The following ARG1 variants were observed in gnomAD, a reference collection of about 807,000 sequenced individuals.
ARG1 encodes the protein arginase 1.
A neutral mutation model predicts 33.0 loss-of-function variants in ARG1; 20 were observed. The observed-to-expected ratio is 0.61, with a 90% CI of 0.43 to 0.88. The LOEUF (loss-of-function observed/expected upper bound fraction) is 0.88, where lower values mean the gene tolerates loss of function less well. Ranked by LOEUF, ARG1 falls within the 40% of genes least tolerant of loss-of-function variation. ARG1 has a pLI of 0.00. For synonymous variants in ARG1, 146 were observed against 140.6 expected (o/e 1.04, Z -0.27); for missense variants, 374 against 384.7 (o/e 0.97, Z 0.23).
rs2114519480 is a variant in ARG1 at position 131,576,746 on chromosome 6, A to G, written c.130+11A>G. On this transcript the variant is annotated intron_variant, in intron 2 of 7. Transcript: ENST00000368087. ...AACTTAAAGAACAAGGTAATTTTTA[A>G]GTTGAAAAATGATCAGCCTGATTTC... The G allele has an allele frequency of 6.2e-7, 1 of 1,610,590 alleles. No homozygotes were observed. The highest frequency in any genetic ancestry group is 8.5e-7 in the Non-Finnish European group (1 of 1,176,886).
intron 1 of ARG1, among the ~76,000 whole-genome samples, chr6:131,576,323 C>G (rs1773610844): frequency 6.6e-6 from 1 of 152,212 alleles, no homozygotes; most frequent in Non-Finnish European, 1.5e-5. Flanking sequence ...TTTGCACAAA[C>G]TACTTGTTCA....
At chr6:131,581,919 A>G (rs1280696344) in intron 4 of ARG1, among the ~76,000 whole-genome samples, 1 of 152,232 alleles carries the variant, frequency 6.6e-6, no homozygotes, top group African/African-American at 2.4e-5. Context: ...GCTCCCTAGA[A>G]ACTCCTTTTC....
intron 2 of ARG1, among the ~76,000 whole-genome samples, chr6:131,578,479 T>C (rs1488241844): frequency 2.0e-5 from 3 of 152,214 alleles, no homozygotes; most frequent in African/African-American, 7.2e-5. Flanking sequence ...TGGGGTTACC[T>C]GCAATTTTTC....
intron 3 of ARG1, 192 bp downstream of exon 3, chr6:131,579,477 AAT>A: frequency 1.8e-6 from 1 of 554,414 alleles, no homozygotes; most frequent in Non-Finnish European, 3.1e-6. Flanking sequence ...GAAGTCTTAC[AAT>A]ATCTGTATTT....
chr6:131,579,829 CGTGTGTGTGT>C (rs367611464), intron 3 of ARG1, among the ~76,000 whole-genome samples: 3 of 149,426 alleles, frequency 2.0e-5, no homozygotes, highest in Non-Finnish European at 1.5e-5. Context: ...CTTTGTTTAA[CGTGTGTGTGT>C]GTGTGTATGT....
At position 131,577,134 on chromosome 6, in the gene ARG1, G is replaced by A. The variant is rs1050433219; in HGVS notation, c.130+399G>A. ...CAGTAATAATGATAATAACAACAGC[G>A]CCTAGTGTGGGCGCAGTGTGTATAT... On this transcript the variant is annotated intron_variant, in intron 2 of 7. Coordinates refer to ENST00000368087, the MANE Select transcript of ARG1 (RefSeq NM_000045.4). Among the ~76,000 whole-genome samples, 34 of 152,162 alleles carry A rather than the reference G, an allele frequency of 2.2e-4. 1 individual carries two copies. The highest frequency in any genetic ancestry group is 1.9e-4 in the East Asian group (1 of 5,196).
chr6:131,582,922 C>A, intron 5 of ARG1, 138 bp from the exon 6 acceptor site: 1 of 776,378 alleles, frequency 1.3e-6, no homozygotes. Context: ...AAAATAAATA[C>A]AAATAAAACT....
chr6:131,574,071 T>G (rs1397371535), intron 1 of ARG1: 1 of 604,810 alleles, frequency 1.7e-6, no homozygotes, highest in Admixed American at 2.6e-5. Context: ...ACACTTTTTT[T>G]TCTGCCTGGG....
chr6:131,573,981 G>C, intron 1 of ARG1: 1 of 426,518 alleles, frequency 2.3e-6, no homozygotes, highest in South Asian at 3.0e-5. Context: ...AACTCTAAAA[G>C]GATTTTAATG....
chr6:131,575,153 G>A (rs988871133), intron 1 of ARG1, among the ~76,000 whole-genome samples: 1 of 152,176 alleles, frequency 6.6e-6, no homozygotes. Context: ...TTTAATGGCT[G>A]TGTTATAGCA....
At chr6:131,578,406 C>T (rs1006662790) in intron 2 of ARG1, among the ~76,000 whole-genome samples, 1 of 152,106 alleles carries the variant, frequency 6.6e-6, no homozygotes, top group African/African-American at 2.4e-5. Flanking sequence ...TTTTACATGA[C>T]ACTCTCTACT....
Position 131,583,064 on chromosome 6 carries a change from A to C in ARG1, c.565A>C (p.Ile189Leu). The C allele has an allele frequency of 1.2e-6, 2 of 1,611,026 alleles. No homozygotes were observed. Reference sequence around the variant, plus strand: ...ATCTTAATTTCTCTTTTATAGCTACATTTTGAAAACTCTAGGCATTAAATA... The same window carrying C: ...ATCTTAATTTCTCTTTTATAGCTACCTTTTGAAAACTCTAGGCATTAAATA... ...LRDVDPGEHY[I>L]LKTLGIKYFS... Residue 189 changes from isoleucine (I) to leucine (L), a missense_variant, in exon 6 of 8, where the codon ATT (isoleucine) becomes CTT (leucine). Transcript: ENST00000368087.
In ARG1 at chr6:131,581,300, C is replaced by T. The variant is rs1773911699; in HGVS notation, c.387C>T (p.Ile129=). 2 of 1,613,794 alleles carry T rather than the reference C, an allele frequency of 1.2e-6. No individual in the cohort carries two copies. The highest frequency in any genetic ancestry group is 2.7e-5 in the African/African-American group (2 of 74,914). ...TCTGGGTGGATGCTCACACTGATAT[C>T]AACACTCCACTGACAACCACAAGTG... The part of the protein sequence containing the change: ...GVIWVDAHTD[I]NTPLTTTSGN... The change falls in exon 4 of 8, where the codon ATC becomes ATT. Residue 129 remains isoleucine, a synonymous_variant. Transcript: ENST00000368087.
chr6:131,582,598 A>C, intron 4 of ARG1, 23 bp from the exon 5 acceptor site: 2 of 1,584,490 alleles, frequency 1.3e-6, no homozygotes, highest in Non-Finnish European at 1.7e-6. Flanking sequence ...ATACATAACC[A>C]AGTGAAAACA....
intron 1 of ARG1, among the ~76,000 whole-genome samples, chr6:131,575,673 C>T (rs1773579319): frequency 6.6e-6 from 1 of 152,192 alleles, no homozygotes; most frequent in South Asian, 2.1e-4. Context: ...CATCTGACAA[C>T]ATGTAATAAT....
intron 2 of ARG1, among the ~76,000 whole-genome samples, 200 bp from the exon 3 acceptor site, chr6:131,578,911 G>A (rs1247821216): frequency 6.6e-6 from 1 of 152,042 alleles, no homozygotes; most frequent in Non-Finnish European, 1.5e-5. Context: ...GTATACAGCC[G>A]CACCAGTGTG....
chr6:131,573,933 A>C (rs1227349573), intron 1 of ARG1: 1 of 329,174 alleles, frequency 3.0e-6, no homozygotes, highest in African/African-American at 2.1e-5. Flanking sequence ...GGGGAAAAAA[A>C]GAACAAAAAA....
At position 131,583,552 on chromosome 6, in the gene ARG1, C is replaced by A. The variant is rs572074133; in HGVS notation, c.802+61C>A. 46 of 1,470,408 alleles carry A rather than the reference C, an allele frequency of 3.1e-5. No homozygotes were observed. In the African/African-American group the frequency reaches 7.9e-4, roughly 25 times the overall value. 91.1% of individuals were successfully genotyped at this position (1,470,408 alleles called of 1,614,324 possible). ...TACACTTGACTAATATATATTTATACCTCCTTGACCTGAAACCAAGTCCCA... is the reference window on the plus strand; with the variant it reads ...TACACTTGACTAATATATATTTATAACTCCTTGACCTGAAACCAAGTCCCA... On this transcript the variant is annotated intron_variant, in intron 7 of 7. Coordinates refer to ENST00000368087, the MANE Select transcript of ARG1 (RefSeq NM_000045.4).
chr6:131,576,692 A>T lies in ARG1; in HGVS notation c.87A>T (p.Thr29=). The change falls in exon 2 of 8, where the codon ACA becomes ACT. Residue 29 remains threonine (T), a synonymous_variant. Transcript: ENST00000368087. ...QPRGGVEEGP[T]VLRKAGLLEK... ...GAGGAGGGGTGGAAGAAGGCCCTAC[A>T]GTATTGAGAAAGGCTGGTCTGCTTG... The T allele has an allele frequency of 6.2e-7, 1 of 1,614,144 alleles. No homozygotes were observed. Among genetic ancestry groups the T allele is most frequent in the Non-Finnish European group, 8.5e-7 (1 of 1,179,982 alleles).
Sources: allele counts gnomAD v4.1 joint callset (sites outside exome capture counted in the v4.1 genomes callset), GRCh38; gene constraint gnomAD v4.1.1; transcripts MANE v1.5; gene names NCBI Gene and HGNC (gene_info 2026-07-23, HGNC 2026-07-21).